LAMA5: variants seen among roughly 807,000 people sequenced by gnomAD.
The protein encoded by LAMA5 is laminin subunit alpha 5, also known as laminin subunit alpha-5.
A neutral mutation model predicts 433.4 loss-of-function variants in LAMA5; 260 were observed. That is an observed-to-expected ratio of 0.60 (90% CI 0.54 to 0.66). LAMA5 has a LOEUF of 0.66. Among genes scored for constraint, LAMA5 ranks in the 30% least tolerant of loss-of-function variants. LAMA5 has a pLI of 0.00. For synonymous variants in LAMA5, 2,620 were observed against 2,226.6 expected (o/e 1.18, Z -4.97); for missense variants, 5,378 against 5,258.5 (o/e 1.02, Z -0.70).
In LAMA5 at chr20:62,310,943, C is replaced by A. The variant is rs200015404; in HGVS notation, c.10240G>T (p.Ala3414Ser). 1 of 1,611,068 alleles carries A rather than the reference C, an allele frequency of 6.2e-7. No individual in the cohort carries two copies. Among genetic ancestry groups the A allele is most frequent in the Middle Eastern group, 1.7e-4 (1 of 6,052 alleles). ...GGCCGGGAGCGCTGGCGGCTCTGGG[C>A]GCGGAGCCGAGTCCCGAGGCCTTCC... Reference protein sequence around the residue: ...QMEGLGTRLRAQSRQRSRPGR... With the variant: ...QMEGLGTRLRSQSRQRSRPGR... The change falls in exon 74 of 80, where the codon GCC becomes TCC. Residue 3414 changes from alanine to serine, a missense_variant. Ala to Ser is a moderately conservative substitution (Grantham distance 99, BLOSUM62 1). Transcript: ENST00000252999.
At chr20:62,350,739 C>A (rs1398910456) in intron 6 of LAMA5, among the ~76,000 whole-genome samples, 1 of 152,152 alleles carries the variant, frequency 6.6e-6, no homozygotes, top group Non-Finnish European at 1.5e-5. Context: ...TGCACTGCCA[C>A]CCTAGGGTGT....
Position 62,313,663 on chromosome 20 carries a change from G to T in LAMA5, c.8644C>A (p.Pro2882Thr). 1 of 1,612,700 alleles carries T rather than the reference G, an allele frequency of 6.2e-7. No individual in the cohort carries two copies. Among genetic ancestry groups the T allele is most frequent in the Non-Finnish European group, 8.5e-7 (1 of 1,179,948 alleles). The change falls in exon 63 of 80, where the codon CCC becomes ACC. Residue 2882 changes from proline (P) to threonine (T), a missense_variant. Coordinates refer to ENST00000252999, the MANE Select transcript of LAMA5 (RefSeq NM_005560.6). Reference sequence around the variant, plus strand: ...GGCGGGCTCACCGTGAAGGTACTGGGGTACCCCCCGACGTAGAAGACGAAG... The same window carrying T: ...GGCGGGCTCACCGTGAAGGTACTGGTGTACCCCCCGACGTAGAAGACGAAG... Reference protein sequence around the residue: ...DDFVFYVGGYPSTFTPPPLLR... With the variant: ...DDFVFYVGGYTSTFTPPPLLR...
chr20:62,321,532 G>A (rs1480468034), intron 48 of LAMA5, among the ~76,000 whole-genome samples: 1 of 13,574 alleles, frequency 7.4e-5, no homozygotes, highest in Admixed American at 9.6e-4. Context: ...GTCAGTGAAA[G>A]GGTGGCGCCA....
intron 58 of LAMA5, among the ~76,000 whole-genome samples, chr20:62,315,508 C>A (rs6089729): frequency 0.18 from 26,701 of 151,894 alleles, 2,813 homozygotes; most frequent in East Asian, 0.38. Context: ...GGGAACAGTC[C>A]GCAGCCACAG....
rs775482005 is a variant in LAMA5 at position 62,337,747 on chromosome 20, T to C, written c.2027-20A>G. On this transcript the variant is annotated intron_variant, in intron 15 of 79. Coordinates refer to ENST00000252999, the MANE Select transcript of LAMA5 (RefSeq NM_005560.6). ...GGCAGGCTGCAGACAAGGATAGCTG[T>C]GGGCACGCAGTGGAGACTGCACCTG... 1.2e-6 allele frequency: 2 copies of C among 1,607,682 alleles called. No homozygotes were observed. The highest frequency in any genetic ancestry group is 1.1e-5 in the South Asian group (1 of 90,562).
rs372954388 is a variant in LAMA5 at position 62,311,769 on chromosome 20, G to A, written c.9651C>T (p.Val3217=). The A allele has an allele frequency of 1.3e-4, 210 of 1,562,092 alleles. No homozygotes were observed. The highest frequency in any genetic ancestry group is 1.7e-4 in the Non-Finnish European group (194 of 1,154,988). The change falls in exon 71 of 80, where the codon GTC becomes GTT. Residue 3217 remains valine, a synonymous_variant. Transcript: ENST00000252999. ...YSNATGVWLY[V]DDQLQQMKPH... is the part of the protein sequence containing the mutation. ...GCTTCATCTGCTGGAGCTGGTCATC[G>A]ACATACAGCCAGACTCTGGGGGGCG... is the stretch of plus-strand genomic sequence containing the variant.
At chr20:62,334,760 A>AGGGCGAGGGCGAGGGCGAGGGCGG (rs1981242662) in intron 20 of LAMA5, 139 bp from the exon 21 acceptor site, 1 of 447,934 alleles carries the variant, frequency 2.2e-6, no homozygotes, top group Admixed American at 3.8e-5. Context: ...GCTCAGGGCG[A>AGGGCGAGGGCGAGGGCGAGGGCGG]GGGCGAGGGC....
At position 62,312,296 on chromosome 20, in the gene LAMA5, G is replaced by A. The variant is rs1247109711; in HGVS notation, c.9381C>T (p.Phe3127=). 2 of 1,610,804 alleles carry A rather than the reference G, an allele frequency of 1.2e-6. No homozygotes were observed. The highest frequency in any genetic ancestry group is 2.7e-5 in the African/African-American group (2 of 75,042). ...CCAGGCGAAGGAAGCCGTGGCCATG[G>A]AAAGTCATGGCGCGCCCCACCTGCG... ...ADLLVGRAMT[F]HGHGFLRLAL... Residue 3127 remains phenylalanine, a synonymous_variant, in exon 69 of 80, where the codon TTC becomes TTT. Transcript: ENST00000252999.
chr20:62,310,533 G>A lies in LAMA5; in HGVS notation c.10486C>T (p.Leu3496=). 1 of 1,553,326 alleles carries A rather than the reference G, an allele frequency of 6.4e-7. No homozygotes were observed. The highest frequency in any genetic ancestry group is 2.0e-5 in the Admixed American group (1 of 50,304). The change falls in exon 76 of 80, where the codon CTG becomes TTG. Residue 3496 remains leucine, a synonymous_variant. Transcript: ENST00000252999. ...GGGGCCCCCAGGGGCCTCCCGTGCA[G>A]CCTCAGTCTCTTCACACAGCCGCTG... ...GFSGCVKRLR[L]HGRPLGAPTR...
chr20:62,328,538 ACGGGGG>A (rs1979737153), intron 34 of LAMA5, 93 bp from the exon 35 acceptor site: 2 of 1,314,202 alleles, frequency 1.5e-6, no homozygotes, highest in Middle Eastern at 2.7e-4. Flanking sequence ...TGGCAGTGTG[ACGGGGG>A]CGGGGGAGAC....
chr20:62,354,957 C>T (rs766388097), intron 2 of LAMA5, among the ~76,000 whole-genome samples: 17 of 152,210 alleles, frequency 1.1e-4, no homozygotes, highest in African/African-American at 3.1e-4. Flanking sequence ...CGAGGAGGCC[C>T]GGGTGCCGGG....
chr20:62,339,913 G>A (rs921656149), intron 11 of LAMA5, among the ~76,000 whole-genome samples: 2 of 152,194 alleles, frequency 1.3e-5, no homozygotes, highest in African/African-American at 2.4e-5. Flanking sequence ...AGACGTCAGC[G>A]TGACCAAGAG....
rs1980719096 is a variant in LAMA5, at chr20:62,332,731, A to G, written c.3283-14T>C. 6.2e-7 allele frequency: 1 copy of G among 1,608,856 alleles called. No individual in the cohort carries two copies. ...CTGGACGTCCACCTGCAGGGAAGGC[A>G]GGGTGACGGGAGGCCCGCCACCCCT... is the stretch of plus-strand genomic sequence containing the variant. On this transcript the variant is annotated splice_polypyrimidine_tract_variant and intron_variant, in intron 26 of 79. Coordinates refer to ENST00000252999, the MANE Select transcript of LAMA5 (RefSeq NM_005560.6).
intron 45 of LAMA5, 53 bp from the exon 46 acceptor site, chr20:62,322,811 G>A (rs1978526068): frequency 1.6e-6 from 2 of 1,214,154 alleles, no homozygotes; most frequent in Non-Finnish European, 1.1e-6. Flanking sequence ...CCCCCAGGGA[G>A]CCCCTAGGCA....
intron 11 of LAMA5, 54 bp downstream of exon 11, chr20:62,345,764 C>A: frequency 7.7e-7 from 1 of 1,303,994 alleles, no homozygotes. Context: ...TCTGTGAAGC[C>A]GCCCCCATGG....
At position 62,353,257 on chromosome 20, in the gene LAMA5, G is replaced by A; in HGVS notation, c.451-6C>T. The A allele has an allele frequency of 6.3e-7, 1 of 1,584,360 alleles. No individual in the cohort carries two copies. The highest frequency in any genetic ancestry group is 8.6e-7 in the Non-Finnish European group (1 of 1,163,230). On this transcript the variant is annotated splice_region_variant and splice_polypyrimidine_tract_variant and intron_variant, in intron 2 of 79. Transcript: ENST00000252999. ...ACGTAGGCCACGTGGAAGACCTGTG[G>A]GCCGAGAGGGCGTCAGGGGAGCCAG... is the stretch of plus-strand genomic sequence containing the variant.
rs1351463889 is a variant in LAMA5, at chr20:62,311,034, G to A, written c.10149C>T (p.Ala3383=). ...RSSRGLLLFT[A]RLRPGSPSLA... ...GGGAGGGGCTGCCGGGCCTCAGACG[G>A]GCAGTGAAGAGGAGGAGGCCTCGGG... The change falls in exon 74 of 80, where the codon GCC becomes GCT. Residue 3383 remains alanine (A), a synonymous_variant. Transcript: ENST00000252999. 1.2e-6 allele frequency: 2 copies of A among 1,609,024 alleles called. No individual in the cohort carries two copies. Among genetic ancestry groups the A allele is most frequent in the East Asian group, 2.2e-5 (1 of 44,784 alleles).
chr20:62,333,836 A>AGTGGGGTGGG lies in LAMA5; in HGVS notation c.2878+55_2878+64dup, dbSNP rs141833594. 2,091 of 1,176,960 alleles carry AGTGGGGTGGG rather than the reference A, an allele frequency of 1.8e-3. 9 individuals carry two copies. The highest frequency in any genetic ancestry group is 0.011 in the East Asian group (386 of 36,474). The allele number at this position is 1,176,960 out of a possible 1,614,324, so 72.9% of individuals were successfully genotyped here. ...CCAGAGGAAGGTGGCGGGGCTTGGG[A>AGTGGGGTGGG]GTGGGGTGGGGTGGGGTGGGCTGGG... On this transcript the variant is annotated intron_variant, in intron 23 of 79. Coordinates refer to ENST00000252999, the MANE Select transcript of LAMA5 (RefSeq NM_005560.6).
intron 66 of LAMA5, 34 bp from the exon 67 acceptor site, chr20:62,312,814 T>A: frequency 6.2e-7 from 1 of 1,600,340 alleles, no homozygotes; most frequent in Non-Finnish European, 8.5e-7. Flanking sequence ...GGGCCAGCTG[T>A]GTCCCTGCGG....
Sources: gnomAD v4.1 joint callset for allele counts (sites outside exome capture counted in the v4.1 genomes callset) on GRCh38, gnomAD v4.1.1 for gene constraint, MANE v1.5 for transcripts, NCBI Gene and HGNC (gene_info 2026-07-23, HGNC 2026-07-21) for gene names.